TRIQK: variants seen among roughly 807,000 people sequenced by gnomAD.
TRIQK encodes the protein triple QxxK/R motif containing.
Under a neutral mutation model 10.8 loss-of-function variants are expected in TRIQK, and 10 were observed. That is an observed-to-expected ratio of 0.92 (90% confidence interval 0.57 to 1.57). TRIQK has a LOEUF of 1.57. Ranked by LOEUF, TRIQK falls within the 40% of genes most tolerant of loss-of-function variation. The probability of loss-of-function intolerance (pLI) is 0.00; values close to 1 mark genes in which losing one functional copy is unlikely to be tolerated. For missense variants in TRIQK, 107 were observed against 97.7 expected (o/e 1.09, Z -0.40); for synonymous variants, 33 against 33.7 (o/e 0.98, Z 0.07).
upstream of TRIQK, among the ~76,000 whole-genome samples, chr8:92,970,620 G>T (rs890144783): frequency 6.6e-6 from 1 of 151,904 alleles, no homozygotes; most frequent in Non-Finnish European, 1.5e-5. Context: ...GTCCCTGTTC[G>T]TGTCTTTTGC....
At chr8:92,936,132 A>T (rs1810976003) in intron 2 of TRIQK, among the ~76,000 whole-genome samples, 1 of 151,672 alleles carries the variant, frequency 6.6e-6, no homozygotes, top group African/African-American at 2.4e-5. Flanking sequence ...AGGCTAATAG[A>T]ATCTTGAAAT....
chr8:92,976,316 T>C (rs570685829), intron 1 of TRIQK, among the ~76,000 whole-genome samples: 5 of 152,066 alleles, frequency 3.3e-5, no homozygotes, highest in Non-Finnish European at 7.4e-5. Flanking sequence ...TTTTCATGTA[T>C]TTTAAAGCTT....
intron 2 of TRIQK, among the ~76,000 whole-genome samples, chr8:92,946,861 C>T (rs1209737135): frequency 2.0e-5 from 3 of 151,384 alleles, no homozygotes; most frequent in African/African-American, 7.3e-5. Context: ...GCTGGGTTCA[C>T]GCCATTCTCC....
At chr8:92,999,988 T>A (rs1253586340) in intron 1 of TRIQK, among the ~76,000 whole-genome samples, 1 of 152,176 alleles carries the variant, frequency 6.6e-6, no homozygotes. Flanking sequence ...TATTTTATTT[T>A]TTCTGAGCTC....
At chr8:93,009,535 GA>G (rs1298189651) in intron 1 of TRIQK, among the ~76,000 whole-genome samples, 2 of 152,036 alleles carry the variant, frequency 1.3e-5, no homozygotes, top group Non-Finnish European at 2.9e-5. Flanking sequence ...CCTGAACCCA[GA>G]AGGCAGAGGT....
At chr8:92,930,315 G>A (rs1810649810) in intron 2 of TRIQK, among the ~76,000 whole-genome samples, 3 of 147,770 alleles carry the variant, frequency 2.0e-5, no homozygotes, top group African/African-American at 5.0e-5. Context: ...GCTTGAACCC[G>A]GGAGGTGGAG....
At chr8:92,911,793 ATATATATGTG>A (rs1809582498) in intron 3 of TRIQK, among the ~76,000 whole-genome samples, 1 of 150,146 alleles carries the variant, frequency 6.7e-6, no homozygotes, top group Non-Finnish European at 1.5e-5. Flanking sequence ...ACATATATAC[ATATATATGTG>A]TATATATGTA....
intron 1 of TRIQK, among the ~76,000 whole-genome samples, chr8:92,956,556 G>T (rs993321479): frequency 6.6e-6 from 1 of 151,766 alleles, no homozygotes; most frequent in Non-Finnish European, 1.5e-5. Flanking sequence ...CAATAAAGCT[G>T]TTATTAAAAT....
chr8:92,951,289 G>T (rs942590087), intron 2 of TRIQK, among the ~76,000 whole-genome samples: 2 of 151,988 alleles, frequency 1.3e-5, no homozygotes, highest in Non-Finnish European at 2.9e-5. Context: ...TATGTAAGGA[G>T]CTTAGAAGTC....
intron 1 of TRIQK, among the ~76,000 whole-genome samples, chr8:92,987,447 T>C (rs1813046163): frequency 6.6e-6 from 1 of 152,228 alleles, no homozygotes; most frequent in Admixed American, 6.5e-5. Context: ...TAGGCTTATA[T>C]GTGTGTATGT....
intron 2 of TRIQK, among the ~76,000 whole-genome samples, chr8:92,929,051 G>A (rs1309699473): frequency 6.6e-6 from 1 of 152,178 alleles, no homozygotes; most frequent in African/African-American, 2.4e-5. Flanking sequence ...TGGGGGCAAT[G>A]AGGCAGAGGA....
chr8:92,964,208 G>A (rs1563666069), intron 1 of TRIQK, among the ~76,000 whole-genome samples: 1 of 152,090 alleles, frequency 6.6e-6, no homozygotes, highest in Non-Finnish European at 1.5e-5. Flanking sequence ...GCCCCACTCT[G>A]CTCCCAGCTA....
intron 1 of TRIQK, among the ~76,000 whole-genome samples, chr8:92,982,054 CT>C (rs978713206): frequency 6.6e-6 from 1 of 151,280 alleles, no homozygotes; most frequent in African/African-American, 2.4e-5. Context: ...TCAATAAAGC[CT>C]TATTTTCGAG....
chr8:92,937,851 C>A (rs1811072106), intron 2 of TRIQK, among the ~76,000 whole-genome samples: 1 of 151,820 alleles, frequency 6.6e-6, no homozygotes, highest in South Asian at 2.1e-4. Context: ...ATGTTTTTAT[C>A]AATATAAACC....
At chr8:92,926,107 A>G (rs1166047457) in intron 2 of TRIQK, among the ~76,000 whole-genome samples, 1 of 151,940 alleles carries the variant, frequency 6.6e-6, no homozygotes, top group Non-Finnish European at 1.5e-5. Context: ...CAGCCCCAAT[A>G]TTGATCAACA....
intron 1 of TRIQK, among the ~76,000 whole-genome samples, chr8:92,996,928 A>T (rs1173285955): frequency 6.6e-6 from 1 of 151,928 alleles, no homozygotes. Context: ...TGGGAGAATC[A>T]CCTCAGTGAA....
At chr8:92,893,781 A>G (rs1816875829) in intron 3 of TRIQK, among the ~76,000 whole-genome samples, 1 of 151,256 alleles carries the variant, frequency 6.6e-6, no homozygotes, top group Admixed American at 6.6e-5. Context: ...TGAAGATTGT[A>G]GATTTATCAC....
At chr8:92,969,775 TA>T (rs1278814560), upstream of TRIQK, among the ~76,000 whole-genome samples, 51 of 139,880 alleles carry the variant, frequency 3.6e-4, no homozygotes, top group Non-Finnish European at 1.5e-4. Context: ...TTTCTTTTTT[TA>T]AAAAAAATTA....
chr8:92,930,756 C>A (rs192591737), intron 2 of TRIQK, among the ~76,000 whole-genome samples: 1 of 152,238 alleles, frequency 6.6e-6, no homozygotes, highest in African/African-American at 2.4e-5. Flanking sequence ...CTAAAGATCA[C>A]AAACTTTGAG....
Sources: gnomAD v4.1 joint callset for allele counts (sites outside exome capture counted in the v4.1 genomes callset) on GRCh38, gnomAD v4.1.1 for gene constraint, MANE v1.5 for transcripts, NCBI Gene and HGNC (gene_info 2026-07-23, HGNC 2026-07-21) for gene names.